ENTREP2: variants seen among roughly 807,000 people sequenced by gnomAD.
ENTREP2 encodes the protein endosomal transmembrane epsin interactor 2, also known as protein ENTREP2.
the ENTREP2 span, among the ~76,000 whole-genome samples, chr15:29,372,252 C>T: frequency 2.0e-5 from 3 of 152,102 alleles, no homozygotes; most frequent in African/African-American, 4.8e-5. Flanking sequence ...CAACTGATGA[C>T]GATGAGGACG....
the ENTREP2 span, among the ~76,000 whole-genome samples, chr15:29,301,678 C>T: frequency 5.9e-5 from 9 of 152,242 alleles, no homozygotes; most frequent in South Asian, 6.2e-4. Context: ...GTAATCTGAA[C>T]GTTGTGGCCC....
the ENTREP2 span, among the ~76,000 whole-genome samples, chr15:29,441,863 C>T: frequency 3.3e-5 from 5 of 152,144 alleles, no homozygotes; most frequent in South Asian, 2.1e-4. Context: ...CATAGCTCAC[C>T]GCCATCTCTG....
chr15:29,376,551 A>AACACACACACACACACAC, the ENTREP2 span: 1 of 147,092 alleles, frequency 6.8e-6, no homozygotes, highest in Non-Finnish European at 1.5e-5. Context: ...CACTATGGTA[A>AACACACACACACACACAC]ACACACACAC....
At chr15:29,162,321 C>T in the ENTREP2 span, among the ~76,000 whole-genome samples, 1 of 152,238 alleles carries the variant, frequency 6.6e-6, no homozygotes, top group South Asian at 2.1e-4. Flanking sequence ...GGCCAGAACT[C>T]GGGGGAGGGC....
At chr15:29,273,629 A>C in the ENTREP2 span, among the ~76,000 whole-genome samples, 1 of 152,090 alleles carries the variant, frequency 6.6e-6, no homozygotes, top group Admixed American at 6.6e-5. Context: ...CAGTAAGTGG[A>C]CTAGGAGAGG....
chr15:29,415,375 A>T, the ENTREP2 span, among the ~76,000 whole-genome samples: 1 of 152,242 alleles, frequency 6.6e-6, no homozygotes, highest in African/African-American at 2.4e-5. Context: ...GTAATCCAGC[A>T]TATAAACAGA....
the ENTREP2 span, among the ~76,000 whole-genome samples, chr15:29,650,060 A>G: frequency 6.6e-6 from 1 of 152,166 alleles, no homozygotes; most frequent in African/African-American, 2.4e-5. Context: ...AACACTTGAA[A>G]ATGGGCTTTA....
chr15:29,563,844 A>AAATAAAT, the ENTREP2 span, among the ~76,000 whole-genome samples: 71,723 of 150,712 alleles, frequency 0.48, 17,932 homozygotes, highest in Non-Finnish European at 0.56. Flanking sequence ...CTCAAAAATA[A>AAATAAAT]AAATAAATAA....
the ENTREP2 span, among the ~76,000 whole-genome samples, chr15:29,487,339 G>T: frequency 2.0e-5 from 3 of 152,256 alleles, no homozygotes; most frequent in South Asian, 2.1e-4. Context: ...GTATAAACAA[G>T]AAATGAAGGT....
chr15:29,298,954 T>A, the ENTREP2 span, among the ~76,000 whole-genome samples: 22 of 151,764 alleles, frequency 1.4e-4, no homozygotes, highest in South Asian at 4.2e-4. Flanking sequence ...AATGCAAAGA[T>A]CCTAAACAAA....
the ENTREP2 span, chr15:29,675,255 G>C: frequency 6.6e-6 from 1 of 152,370 alleles, no homozygotes; most frequent in African/African-American, 2.4e-5. Flanking sequence ...TGGCCACCCA[G>C]GCACTTTCCG....
At chr15:29,471,319 T>C in the ENTREP2 span, among the ~76,000 whole-genome samples, 1 of 152,176 alleles carries the variant, frequency 6.6e-6, no homozygotes, top group Non-Finnish European at 1.5e-5. Context: ...AATGTGCACA[T>C]AGAAAAAGCT....
chr15:29,177,889 C>T, the ENTREP2 span, among the ~76,000 whole-genome samples: 7 of 102,928 alleles, frequency 6.8e-5, no homozygotes, highest in South Asian at 7.1e-4. Flanking sequence ...AGAGGGTGGG[C>T]GAGGGGAGGC....
the ENTREP2 span, among the ~76,000 whole-genome samples, chr15:29,448,103 A>C: frequency 2.0e-5 from 3 of 152,050 alleles, no homozygotes; most frequent in African/African-American, 7.2e-5. Context: ...AGCAATTTCC[A>C]ATTATTTAAA....
chr15:29,662,878 G>A, the ENTREP2 span, among the ~76,000 whole-genome samples: 3 of 152,014 alleles, frequency 2.0e-5, no homozygotes, highest in African/African-American at 4.8e-5. Flanking sequence ...GCACCACCAC[G>A]CCTGGCTAAT....
chr15:29,657,595 A>C, the ENTREP2 span, among the ~76,000 whole-genome samples: 9 of 151,098 alleles, frequency 6.0e-5, no homozygotes, highest in African/African-American at 2.2e-4. Flanking sequence ...TACTTTTAGA[A>C]TCCTGCTGAT....
chr15:29,536,828 C>T, the ENTREP2 span, among the ~76,000 whole-genome samples: 5 of 152,006 alleles, frequency 3.3e-5, no homozygotes, highest in Non-Finnish European at 5.9e-5. Context: ...CAGGTGAAGA[C>T]GGAGGCAGAG....
At chr15:29,471,982 C>T in the ENTREP2 span, among the ~76,000 whole-genome samples, 1 of 152,204 alleles carries the variant, frequency 6.6e-6, no homozygotes, top group South Asian at 2.1e-4. Flanking sequence ...GCCCTGAGGG[C>T]TGGGGTGGAG....
At chr15:29,506,522 C>T in the ENTREP2 span, among the ~76,000 whole-genome samples, 1 of 152,156 alleles carries the variant, frequency 6.6e-6, no homozygotes, top group Non-Finnish European at 1.5e-5. Context: ...GGTCGAGTTA[C>T]CCACAAAGGG....
Sources: allele counts gnomAD v4.1 joint callset (sites outside exome capture counted in the v4.1 genomes callset), GRCh38; gene constraint gnomAD v4.1.1; transcripts MANE v1.5; gene names NCBI Gene and HGNC (gene_info 2026-07-23, HGNC 2026-07-21).